ISL2: variants seen among roughly 807,000 people sequenced by gnomAD.
The protein encoded by ISL2 is ISL LIM homeobox 2.
Under a neutral mutation model 34.6 loss-of-function variants are expected in ISL2, and 17 were observed. The observed-to-expected ratio is 0.49, with a 90% CI of 0.34 to 0.74. The LOEUF (loss-of-function observed/expected upper bound fraction) is 0.74, where lower values mean the gene tolerates loss of function less well. ISL2 is among the 30% of genes least tolerant of loss of function. ISL2 has a pLI of 0.01. For synonymous variants in ISL2, 232 were observed against 225.5 expected (o/e 1.03, Z -0.26); for missense variants, 469 against 515.2 (o/e 0.91, Z 0.87).
chr15:76,340,263 C>G lies in ISL2; in HGVS notation c.512-13C>G. The stretch of plus-strand genomic sequence containing the variant: ...GCCCCTCGCTAACCTCTGGCCTCAC[C>G]CTGTCCTGGCAGACGCTGGGTCGGG... On this transcript the variant is annotated splice_polypyrimidine_tract_variant and intron_variant, in intron 3 of 5. Transcript: ENST00000290759. 6.3e-7 allele frequency: 1 copy of G among 1,585,976 alleles called. No individual in the cohort carries two copies. Among genetic ancestry groups the G allele is most frequent in the Non-Finnish European group, 8.6e-7 (1 of 1,168,894 alleles).
chr15:76,336,984 G>A (rs757388572), intron 1 of ISL2, 43 bp downstream of exon 1: 10 of 1,520,078 alleles, frequency 6.6e-6, no homozygotes, highest in Non-Finnish European at 9.1e-6. Context: ...GTGTGTGTAT[G>A]CTTAATATGC....
chr15:76,338,103 T>C, intron 2 of ISL2, 136 bp downstream of exon 2: 1 of 1,330,270 alleles, frequency 7.5e-7, no homozygotes, highest in Non-Finnish European at 9.8e-7. Flanking sequence ...GCCGCAGCGC[T>C]CCCCCGGGCC....
In ISL2 at chr15:76,340,256, G is replaced by C; in HGVS notation, c.512-20G>C. 1 of 1,574,514 alleles carries C rather than the reference G, an allele frequency of 6.4e-7. No individual in the cohort carries two copies. Among genetic ancestry groups the C allele is most frequent in the African/African-American group, 1.3e-5 (1 of 74,440 alleles). On this transcript the variant is annotated intron_variant, in intron 3 of 5. Coordinates refer to ENST00000290759, the MANE Select transcript of ISL2 (RefSeq NM_145805.3). ...GGTGGCGGCCCCTCGCTAACCTCTG[G>C]CCTCACCCTGTCCTGGCAGACGCTG...
In ISL2 at chr15:76,341,048, A is replaced by T. The variant is rs541671609; in HGVS notation, c.796-86A>T. On this transcript the variant is annotated intron_variant, in intron 4 of 5. Coordinates refer to ENST00000290759, the MANE Select transcript of ISL2 (RefSeq NM_145805.3). ...CGCAAAGCAATGCAGACCCTAAATC[A>T]CTCAAGGCCTGGAGCTCCAGTCTCA... 53 of 1,286,956 alleles carry T rather than the reference A, an allele frequency of 4.1e-5. No homozygotes were observed. In the South Asian group the frequency reaches 7.5e-4, roughly 18 times the overall value. 79.7% of individuals were successfully genotyped at this position (1,286,956 alleles called of 1,614,324 possible).
At chr15:76,337,656 TG>T in intron 1 of ISL2, 121 bp from the exon 2 acceptor site, 1 of 833,270 alleles carries the variant, frequency 1.2e-6, no homozygotes, top group Non-Finnish European at 1.8e-6. Context: ...TCTTTCCTTA[TG>T]GTCGCAAGTC....
chr15:76,338,822 T>A, intron 3 of ISL2: 10 of 985,394 alleles, frequency 1.0e-5, no homozygotes, highest in Non-Finnish European at 1.1e-5. Flanking sequence ...ACAGGGAATC[T>A]TAAGTGGTGT....
intron 1 of ISL2, chr15:76,337,565 G>C (rs2040160029): frequency 4.3e-6 from 2 of 468,822 alleles, no homozygotes; most frequent in South Asian, 8.2e-5. Context: ...TATTTGGGGT[G>C]GGGGACAGAA....
chr15:76,339,722 A>T (rs1391480556), intron 3 of ISL2: 2 of 986,262 alleles, frequency 2.0e-6, no homozygotes, highest in Non-Finnish European at 2.4e-6. Flanking sequence ...AGGCCCGTCC[A>T]TAACCGTGGA....
Position 76,338,344 on chromosome 15 carries a change from G to T in ISL2, c.341G>T (p.Cys114Phe). ...CGGGACAGCGTGTACCACATCGAGTGCTTCCGCTGCTCCGTGTGCAGCCGC... is the reference window on the plus strand; with the variant it reads ...CGGGACAGCGTGTACCACATCGAGTTCTTCCGCTGCTCCGTGTGCAGCCGC... Reference protein sequence around the residue: ...RARDSVYHIECFRCSVCSRQL... With the variant: ...RARDSVYHIEFFRCSVCSRQL... The change falls in exon 3 of 6, where the codon TGC becomes TTC. Residue 114 changes from cysteine (C) to phenylalanine (F), a missense_variant. This residue lies in a region of ISL2 where 297 missense variants were observed against 337.8 expected (regional missense o/e 0.88). Transcript: ENST00000290759. 6.4e-7 allele frequency: 1 copy of T among 1,570,490 alleles called. No individual in the cohort carries two copies.
rs570842317 is a variant in ISL2, at chr15:76,340,590, C to T, written c.795+31C>T. ...CAGCCGCTGGGCCGGAGGCTCGAGT[C>T]GGGTGGGGGCTGCGCTTCCGCCGCG... is the stretch of plus-strand genomic sequence containing the variant. On this transcript the variant is annotated intron_variant, in intron 4 of 5. Transcript: ENST00000290759. The T allele has an allele frequency of 6.9e-6, 11 of 1,583,152 alleles. No homozygotes were observed. The East Asian group carries it at 1.8e-4, about 26-fold the overall frequency.
Position 76,340,336 on chromosome 15 carries a change from C to T in ISL2, c.572C>T (p.Thr191Met), listed in dbSNP as rs764949452. The T allele has an allele frequency of 1.2e-5, 19 of 1,612,154 alleles. No homozygotes were observed. Among genetic ancestry groups the T allele is most frequent in the Admixed American group, 3.3e-5 (2 of 59,972 alleles). ...RPHVHKQTEK[T>M]TRVRTVLNEK... ...CACGTGCACAAGCAGACGGAGAAGA[C>T]GACCCGCGTGCGGACTGTGCTGAAC... Residue 191 changes from threonine (T) to methionine (M), a missense_variant, in exon 4 of 6, where the codon ACG (threonine) becomes ATG (methionine). This residue lies in a region of ISL2 where 297 missense variants were observed against 337.8 expected (regional missense o/e 0.88). Coordinates refer to ENST00000290759, the MANE Select transcript of ISL2 (RefSeq NM_145805.3).
chr15:76,341,972 G>A lies in ISL2; in HGVS notation c.*137G>A, dbSNP rs991473397. 5 of 673,742 alleles carry A rather than the reference G, an allele frequency of 7.4e-6. No homozygotes were observed. Among genetic ancestry groups the A allele is most frequent in the Non-Finnish European group, 2.6e-6 (1 of 377,720 alleles). The allele number at this position is 673,742 out of a possible 1,614,324, so 41.7% of individuals were successfully genotyped here. ...TGTTATTTATGAGAGAGTACCGAGAGACACGGTCTGGACAGCCCAAGGCGC... is the reference window on the plus strand; with the variant it reads ...TGTTATTTATGAGAGAGTACCGAGAAACACGGTCTGGACAGCCCAAGGCGC... On this transcript the variant is annotated 3_prime_UTR_variant, in exon 6 of 6. Coordinates refer to ENST00000290759, the MANE Select transcript of ISL2 (RefSeq NM_145805.3).
intron 1 of ISL2, 96 bp downstream of exon 1, chr15:76,337,037 G>A: frequency 8.9e-7 from 1 of 1,124,486 alleles, no homozygotes; most frequent in African/African-American, 1.5e-5. Flanking sequence ...TTCTACAAGT[G>A]GCTTCTATTT....
rs763457261 is a variant in ISL2 at position 76,336,836 on chromosome 15, C to T, written c.-48C>T. Reference sequence around the variant, plus strand: ...GAGCCGAGGCCGGGCGCGCGACCCTCGTCCTTCTGCCCCTGGCCGCACACT... The same window carrying T: ...GAGCCGAGGCCGGGCGCGCGACCCTTGTCCTTCTGCCCCTGGCCGCACACT... On this transcript the variant is annotated 5_prime_UTR_variant, in exon 1 of 6. Transcript: ENST00000290759. 6.4e-6 allele frequency: 10 copies of T among 1,556,454 alleles called. No individual in the cohort carries two copies. The highest frequency in any genetic ancestry group is 8.9e-6 in the Non-Finnish European group (10 of 1,127,830).
In ISL2 at chr15:76,341,787, G is replaced by A; in HGVS notation, c.1032G>A (p.Gln344=). The change falls in exon 6 of 6, where the codon CAG becomes CAA. Residue 344 remains glutamine (Q), a synonymous_variant. Transcript: ENST00000290759. ...SGSDVTSLSS[Q]LPDTPNSMVP... ...GCGACGTGACCTCCCTGTCCTCGCA[G>A]CTCCCGGACACCCCCAACAGTATGG... 6.2e-7 allele frequency: 1 copy of A among 1,613,890 alleles called. No homozygotes were observed. Among genetic ancestry groups the A allele is most frequent in the Non-Finnish European group, 8.5e-7 (1 of 1,180,012 alleles).
chr15:76,341,556 C>A (rs938099626), intron 5 of ISL2, among the ~76,000 whole-genome samples, 163 bp from the exon 6 acceptor site: 1 of 151,794 alleles, frequency 6.6e-6, no homozygotes, highest in Admixed American at 6.5e-5. Flanking sequence ...CCGCCCTAAT[C>A]CCCCCCTCGT....
At position 76,337,836 on chromosome 15, in the gene ISL2, C is replaced by G; in HGVS notation, c.117C>G (p.Ile39Met). Residue 39 changes from isoleucine to methionine, a missense_variant, in exon 2 of 6, where the codon ATC becomes ATG. Physicochemically the swap from Ile to Met is conservative, Grantham distance 10. This residue lies in a region of ISL2 where 297 missense variants were observed against 337.8 expected (regional missense o/e 0.88). Coordinates refer to ENST00000290759, the MANE Select transcript of ISL2 (RefSeq NM_145805.3). ...GCGSQIHDQF[I>M]LRVSPDLEWH... ...GGAGTCAGATCCACGACCAGTTTATCCTGCGGGTGTCGCCCGACCTCGAGT... is the reference window on the plus strand; with the variant it reads ...GGAGTCAGATCCACGACCAGTTTATGCTGCGGGTGTCGCCCGACCTCGAGT... 1 of 1,612,278 alleles carries G rather than the reference C, an allele frequency of 6.2e-7. No homozygotes were observed. Among genetic ancestry groups the G allele is most frequent in the Non-Finnish European group, 8.5e-7 (1 of 1,179,474 alleles).
intron 2 of ISL2, 81 bp from the exon 3 acceptor site, chr15:76,338,171 C>T: frequency 6.8e-7 from 1 of 1,471,064 alleles, no homozygotes; most frequent in Non-Finnish European, 9.0e-7. Flanking sequence ...GTGTCCTGGG[C>T]GCGCGCCGGA....
intron 3 of ISL2, chr15:76,339,783 G>A (rs574427248): frequency 6.0e-6 from 6 of 993,826 alleles, no homozygotes; most frequent in African/African-American, 1.7e-5. Context: ...CTCTGAAGGA[G>A]GGGAAGGGCC....
Sources: gnomAD v4.1 joint callset for allele counts (sites outside exome capture counted in the v4.1 genomes callset) on GRCh38, gnomAD v4.1.1 for gene constraint, gnomAD v4.1.1 regional missense constraint, MANE v1.5 for transcripts, NCBI Gene and HGNC (gene_info 2026-07-23, HGNC 2026-07-21) for gene names.